Variants in PDE4D observed in about 807,000 individuals in gnomAD.
PDE4D encodes 3',5'-cyclic-AMP phosphodiesterase 4D.
In PDE4D, 24 loss-of-function variants were observed where a neutral mutation model predicts 87.4. The observed-to-expected ratio is 0.27, with a 90% CI of 0.20 to 0.39. The LOEUF is 0.39. PDE4D is among the 10% of genes least tolerant of loss of function. The probability of loss-of-function intolerance (pLI) is 1.00; values close to 1 mark genes in which losing one functional copy is unlikely to be tolerated. For missense variants in PDE4D, 714 were observed against 1,041.0 expected, an observed-to-expected ratio of 0.69 and a Z score of 4.32; for synonymous variants, 384 against 383.2, an observed-to-expected ratio of 1.00 and a Z score of -0.02.
intron 1 of PDE4D, among the ~76,000 whole-genome samples, chr5:59,575,769 G>A (rs965021822): frequency 6.6e-6 from 1 of 152,158 alleles, no homozygotes; most frequent in African/African-American, 2.4e-5. Flanking sequence ...GTCAGGCACT[G>A]TGCTAAGAAC....
intron 5 of PDE4D, among the ~76,000 whole-genome samples, chr5:59,162,253 C>A (rs527761742): frequency 4.6e-5 from 7 of 152,294 alleles, no homozygotes; most frequent in African/African-American, 1.7e-4. Flanking sequence ...GCAGAGAAAA[C>A]TGTACGGTTT....
intron 11 of PDE4D, among the ~76,000 whole-genome samples, chr5:58,985,633 C>A (rs1448127606): frequency 1.3e-5 from 2 of 152,060 alleles, no homozygotes; most frequent in African/African-American, 4.8e-5. Context: ...CTTTAGAATT[C>A]TTTATTATGA....
At chr5:59,376,520 C>T (rs1246330757) in intron 1 of PDE4D, among the ~76,000 whole-genome samples, 2 of 152,002 alleles carry the variant, frequency 1.3e-5, no homozygotes, top group East Asian at 3.9e-4. Context: ...TAACACTGCT[C>T]AAACAAATGA....
At chr5:59,227,048 G>C (rs1753938479) in intron 1 of PDE4D, among the ~76,000 whole-genome samples, 1 of 152,186 alleles carries the variant, frequency 6.6e-6, no homozygotes, top group African/African-American at 2.4e-5. Flanking sequence ...GGACCTGAGA[G>C]TCAGCTGTAG....
intron 1 of PDE4D, among the ~76,000 whole-genome samples, chr5:60,204,091 A>ATT (rs1742224265): frequency 6.6e-6 from 1 of 152,206 alleles, no homozygotes; most frequent in Non-Finnish European, 1.5e-5. Flanking sequence ...AAAAGAAGAA[A>ATT]GCACCACATT....
chr5:59,466,612 G>A (rs1348672162), intron 1 of PDE4D, among the ~76,000 whole-genome samples: 1 of 152,142 alleles, frequency 6.6e-6, no homozygotes, highest in Non-Finnish European at 1.5e-5. Context: ...GGGAGCTAAA[G>A]TCAGCAATAA....
At chr5:59,998,677 T>C (rs953389259) in intron 2 of PDE4D, among the ~76,000 whole-genome samples, 4 of 152,144 alleles carry the variant, frequency 2.6e-5, no homozygotes, top group Non-Finnish European at 5.9e-5. Context: ...AATTAGGCCA[T>C]GTTATAAAAT....
At chr5:60,059,896 G>A (rs1771205800) in intron 2 of PDE4D, among the ~76,000 whole-genome samples, 1 of 151,924 alleles carries the variant, frequency 6.6e-6, no homozygotes, top group African/African-American at 2.4e-5. Context: ...ATCCCCCCCA[G>A]GAAAACTGTT....
intron 3 of PDE4D, among the ~76,000 whole-genome samples, chr5:59,972,806 C>A (rs1760925595): frequency 1.3e-5 from 2 of 152,190 alleles, no homozygotes; most frequent in Non-Finnish European, 2.9e-5. Context: ...TTCCACCTTG[C>A]AAGATCAGGC....
chr5:59,913,325 G>A (rs1179017073), intron 3 of PDE4D, among the ~76,000 whole-genome samples: 1 of 152,156 alleles, frequency 6.6e-6, no homozygotes, highest in Non-Finnish European at 1.5e-5. Flanking sequence ...AAAGCTTGGG[G>A]AGTTGCACTT....
At chr5:60,237,487 T>A (rs1034940771) in intron 1 of PDE4D, among the ~76,000 whole-genome samples, 7 of 152,010 alleles carry the variant, frequency 4.6e-5, no homozygotes, top group African/African-American at 1.7e-4. Flanking sequence ...TCAAAGACAT[T>A]ATGCTGTGTA....
At chr5:59,515,155 G>T (rs541231019) in intron 1 of PDE4D, among the ~76,000 whole-genome samples, 144 of 152,342 alleles carry the variant, frequency 9.5e-4, no homozygotes, top group African/African-American at 3.3e-3. Flanking sequence ...TTTGGAATAG[G>T]AGGAAGTTAC....
chr5:59,933,385 T>C (rs1303523084), intron 3 of PDE4D, among the ~76,000 whole-genome samples: 2 of 152,234 alleles, frequency 1.3e-5, no homozygotes, highest in Admixed American at 1.3e-4. Context: ...AAAGAAATCA[T>C]AGCATCAAAC....
intron 3 of PDE4D, among the ~76,000 whole-genome samples, chr5:59,970,704 G>A (rs13185757): frequency 0.64 from 88,370 of 138,820 alleles, 28,873 homozygotes; most frequent in East Asian, 0.96. Flanking sequence ...AAGTCAGGAA[G>A]CAACAGGTGC....
At chr5:59,438,737 C>T (rs577880130) in intron 1 of PDE4D, among the ~76,000 whole-genome samples, 2 of 152,244 alleles carry the variant, frequency 1.3e-5, no homozygotes, top group Admixed American at 1.3e-4. Context: ...CTCATTATTG[C>T]TTCTCCAAAT....
At chr5:59,784,101 C>T (rs186564004) in intron 1 of PDE4D, among the ~76,000 whole-genome samples, 7 of 152,146 alleles carry the variant, frequency 4.6e-5, no homozygotes, top group Non-Finnish European at 8.8e-5. Flanking sequence ...TGTCTGAGCT[C>T]ACAAAGGTTT....
intron 1 of PDE4D, among the ~76,000 whole-genome samples, chr5:59,310,692 C>A (rs1052059290): frequency 6.6e-6 from 1 of 152,198 alleles, no homozygotes; most frequent in Non-Finnish European, 1.5e-5. Context: ...ACAAAAGCAG[C>A]CTTCCATGAA....
At chr5:59,945,713 A>G (rs776650313) in intron 3 of PDE4D, among the ~76,000 whole-genome samples, 2 of 152,234 alleles carry the variant, frequency 1.3e-5, no homozygotes, top group Non-Finnish European at 2.9e-5. Flanking sequence ...GCTGGTGAGA[A>G]CCATGTCTCA....
At chr5:59,052,531 C>A (rs1003387582) in intron 5 of PDE4D, among the ~76,000 whole-genome samples, 2 of 152,082 alleles carry the variant, frequency 1.3e-5, no homozygotes, top group African/African-American at 4.8e-5. Flanking sequence ...GACTAAGGAG[C>A]TATTGTGGTA....
Sources: gnomAD v4.1 joint callset for allele counts (sites outside exome capture counted in the v4.1 genomes callset) on GRCh38, gnomAD v4.1.1 for gene constraint, MANE v1.5 for transcripts, NCBI Gene and HGNC (gene_info 2026-07-23, HGNC 2026-07-21) for gene names.